The following NUDT12 variants were observed in gnomAD, a reference collection of about 807,000 sequenced individuals.
NUDT12 encodes the protein nudix hydrolase 12, also known as NAD-capped RNA hydrolase NUDT12.
NUDT12 carries 42 observed loss-of-function variants against 45.7 expected under a neutral mutation model. That is an observed-to-expected ratio of 0.92 (90% confidence interval 0.72 to 1.19). NUDT12 has a LOEUF of 1.19. Among genes scored for constraint, NUDT12 ranks in the 50% most tolerant of loss-of-function variants. NUDT12 has a pLI of 0.00. For missense variants in NUDT12, 590 were observed against 533.1 expected (o/e 1.11, Z -1.05); for synonymous variants, 206 against 179.7 (o/e 1.15, Z -1.17).
chr5:103,560,787 T>C (rs1202702821), intron 1 of NUDT12, among the ~76,000 whole-genome samples: 3 of 152,230 alleles, frequency 2.0e-5, no homozygotes, highest in Non-Finnish European at 4.4e-5. Context: ...TATTACTCCG[T>C]ATTATTCTTG....
chr5:103,549,255 G>A lies in NUDT12; in HGVS notation c.*1606C>T, dbSNP rs963206253. On this transcript the variant is annotated 3_prime_UTR_variant, in exon 7 of 7. Transcript: ENST00000230792. ...TATTTTCCATATACTTATGTAGCTCGAATTTTATTATGTATCTAAATGTCC... is the reference window on the plus strand; with the variant it reads ...TATTTTCCATATACTTATGTAGCTCAAATTTTATTATGTATCTAAATGTCC... 101 of 151,986 alleles carry A rather than the reference G, an allele frequency of 6.6e-4. No homozygotes were observed. Among genetic ancestry groups the A allele is most frequent in the African/African-American group, 2.4e-3 (98 of 41,498 alleles). 9.4% of individuals were successfully genotyped at this position (151,986 alleles called of 1,614,324 possible). A position where few individuals can be genotyped will look rare whatever the true frequency, so the allele number is the denominator to read the frequency against.
Position 103,550,621 on chromosome 5 carries a change from C to A in NUDT12, c.*240G>T. 5 of 315,490 alleles carry A rather than the reference C, an allele frequency of 1.6e-5. No individual in the cohort carries two copies. The highest frequency in any genetic ancestry group is 2.1e-5 in the African/African-American group (1 of 47,022). The allele number at this position is 315,490 out of a possible 1,614,324, so 19.5% of individuals were successfully genotyped here. ...AAAACTGTGAAGGAAGAAAAGAAACCAAGAGAGAAAAAGTTCAGAGAAGAC... is the reference window on the plus strand; with the variant it reads ...AAAACTGTGAAGGAAGAAAAGAAACAAAGAGAGAAAAAGTTCAGAGAAGAC... On this transcript the variant is annotated 3_prime_UTR_variant, in exon 7 of 7. Transcript: ENST00000230792.
chr5:103,559,471 A>C lies in NUDT12; in HGVS notation c.207-3T>G. 1 of 1,400,224 alleles carries C rather than the reference A, an allele frequency of 7.1e-7. No individual in the cohort carries two copies. Among genetic ancestry groups the C allele is most frequent in the Non-Finnish European group, 9.4e-7 (1 of 1,068,064 alleles). The allele number at this position is 1,400,224 out of a possible 1,614,324, so 86.7% of individuals were successfully genotyped here. On this transcript the variant is annotated splice_region_variant and splice_polypyrimidine_tract_variant and intron_variant, in intron 2 of 6. Transcript: ENST00000230792. ...TATTGACAATTGATCTGTCACACCT[A>C]TAGATGGAAGAAAAAATTGGGGAGA...
At chr5:103,556,120 A>C in intron 3 of NUDT12, 22 bp from the exon 4 acceptor site, 1 of 1,518,740 alleles carries the variant, frequency 6.6e-7, no homozygotes, top group Non-Finnish European at 8.8e-7. Flanking sequence ...AGAAAAGCAC[A>C]AAAATTTTAA....
chr5:103,549,661 C>A lies in NUDT12; in HGVS notation c.*1200G>T, dbSNP rs915172116. The A allele has an allele frequency of 8.6e-5, 13 of 151,784 alleles. No individual in the cohort carries two copies. The highest frequency in any genetic ancestry group is 2.9e-4 in the African/African-American group (12 of 41,358). The allele number at this position is 151,784 out of a possible 1,614,324, so 9.4% of individuals were successfully genotyped here. Reference sequence around the variant, plus strand: ...AGGAAAGCTAATTTCATATATTATCCTTAAGGTCTCTTGTAGCTCTAGCAT... The same window carrying A: ...AGGAAAGCTAATTTCATATATTATCATTAAGGTCTCTTGTAGCTCTAGCAT... On this transcript the variant is annotated 3_prime_UTR_variant, in exon 7 of 7. Coordinates refer to ENST00000230792, the MANE Select transcript of NUDT12 (RefSeq NM_031438.4).
chr5:103,557,343 T>G (rs1748859993), intron 3 of NUDT12, among the ~76,000 whole-genome samples: 1 of 147,592 alleles, frequency 6.8e-6, no homozygotes, highest in African/African-American at 2.5e-5. Context: ...AGTTTGATGA[T>G]TTCTCCACAG....
chr5:103,559,538 C>T, intron 2 of NUDT12, 70 bp from the exon 3 acceptor site: 2 of 784,786 alleles, frequency 2.5e-6, no homozygotes, highest in Non-Finnish European at 3.8e-6. Context: ...GTATTTATTT[C>T]ACTAAAATAT....
chr5:103,560,121 G>T lies in NUDT12; in HGVS notation c.128C>A (p.Ser43Tyr), dbSNP rs1453142029. ...CATTAAAGCAGTCCAGCCATTTTCA[G>T]AAGTTTCATTGAGAAGAGATGGAGA... ...SHSPSLLNETSENGWTALMYA... is the reference protein window; with the variant it reads ...SHSPSLLNETYENGWTALMYA... Residue 43 changes from serine to tyrosine, a missense_variant, in exon 2 of 7, where the codon TCT becomes TAT. Coordinates refer to ENST00000230792, the MANE Select transcript of NUDT12 (RefSeq NM_031438.4). The T allele has an allele frequency of 9.9e-6, 16 of 1,613,818 alleles. No homozygotes were observed. Among genetic ancestry groups the T allele is most frequent in the Non-Finnish European group, 1.4e-5 (16 of 1,179,874 alleles).
At chr5:103,555,294 A>G (rs559727692) in intron 4 of NUDT12, among the ~76,000 whole-genome samples, 1 of 152,208 alleles carries the variant, frequency 6.6e-6, no homozygotes, top group East Asian at 1.9e-4. Context: ...TAAAGTCATT[A>G]AATAAAATTT....
intron 6 of NUDT12, among the ~76,000 whole-genome samples, chr5:103,551,361 G>GC (rs1389578506): frequency 6.6e-6 from 1 of 152,074 alleles, no homozygotes; most frequent in African/African-American, 2.4e-5. Flanking sequence ...CAAGCTTCCT[G>GC]CCTTGGCCTT....
rs1204204226 is a variant in NUDT12 at position 103,550,607 on chromosome 5, G to T, written c.*254C>A. The T allele has an allele frequency of 1.0e-5, 3 of 291,248 alleles. No individual in the cohort carries two copies. The highest frequency in any genetic ancestry group is 2.2e-5 in the African/African-American group (1 of 46,504). The allele number at this position is 291,248 out of a possible 1,614,324, so 18.0% of individuals were successfully genotyped here. On this transcript the variant is annotated 3_prime_UTR_variant, in exon 7 of 7. Transcript: ENST00000230792. The stretch of plus-strand genomic sequence containing the variant: ...TGGTTTTGTGAGATAAAACTGTGAA[G>T]GAAGAAAAGAAACCAAGAGAGAAAA...
In NUDT12 at chr5:103,556,052, G is replaced by T. The variant is rs200620813; in HGVS notation, c.843C>A (p.Tyr281Ter). 1 of 1,611,998 alleles carries T rather than the reference G, an allele frequency of 6.2e-7. No individual in the cohort carries two copies. Among genetic ancestry groups the T allele is most frequent in the Admixed American group, 1.7e-5 (1 of 59,870 alleles). ...ARSVLAWHSR[Y>*]KFCPTCGNAT... ...CATTTCCACAGGTTGGGCAAAACTT[G>T]TATCGACTGTGCCAGGCAAGAACAG... Residue 281 changes from tyrosine to a stop codon, truncating the protein, a stop_gained, in exon 4 of 7, where the codon TAC becomes TAA. Transcript: ENST00000230792. LOFTEE classifies it high-confidence loss of function.
At chr5:103,551,627 G>A (rs1292881255) in intron 6 of NUDT12, among the ~76,000 whole-genome samples, 1 of 151,948 alleles carries the variant, frequency 6.6e-6, no homozygotes, top group Non-Finnish European at 1.5e-5. Context: ...CCATCTTTTA[G>A]GATTAAGCAT....
intron 5 of NUDT12, among the ~76,000 whole-genome samples, chr5:103,553,377 C>T (rs991473869): frequency 1.3e-5 from 2 of 151,956 alleles, no homozygotes; most frequent in Non-Finnish European, 2.9e-5. Flanking sequence ...GCCTAATACA[C>T]ATTTGAAAAA....
At chr5:103,555,819 A>G (rs1367898005) in intron 4 of NUDT12, 112 bp downstream of exon 4, 1 of 659,334 alleles carries the variant, frequency 1.5e-6, no homozygotes, top group Non-Finnish European at 2.4e-6. Context: ...CTTAATGGTT[A>G]GACATGTTTT....
chr5:103,560,166 A>C lies in NUDT12; in HGVS notation c.83T>G (p.Leu28Ter). The change falls in exon 2 of 7, where the codon TTA becomes TGA. Residue 28 changes from leucine (L) to a stop codon, truncating the protein, a stop_gained. Coordinates refer to ENST00000230792, the MANE Select transcript of NUDT12 (RefSeq NM_031438.4). LOFTEE classifies it high-confidence loss of function. ...CSAAEGDIAK[L>*]TGILSHSPSL... is the part of the protein sequence containing the mutation. The stretch of plus-strand genomic sequence containing the variant: ...TGGAGAATGACTGAGTATTCCTGTT[A>C]ACTTGGCAATATCTCCTTCAGCAGC... The C allele has an allele frequency of 6.2e-7, 1 of 1,613,756 alleles. No individual in the cohort carries two copies. The highest frequency in any genetic ancestry group is 8.5e-7 in the Non-Finnish European group (1 of 1,179,672).
Position 103,559,406 on chromosome 5 carries a change from C to A in NUDT12, c.269G>T (p.Gly90Val), listed in dbSNP as rs929555263. 6.2e-6 allele frequency: 10 copies of A among 1,610,658 alleles called. No individual in the cohort carries two copies. Among genetic ancestry groups the A allele is most frequent in the South Asian group, 1.1e-5 (1 of 90,332 alleles). Residue 90 changes from glycine to valine, a missense_variant, in exon 3 of 7, where the codon GGT becomes GTT. Coordinates refer to ENST00000230792, the MANE Select transcript of NUDT12 (RefSeq NM_031438.4). ...TAGTAAATTAGCTATATGCTTATAA[C>A]CCCAAAATACAGCAATGTCCAGTGC... ...QTALDIAVFWGYKHIANLLAT... is the reference protein window; with the variant it reads ...QTALDIAVFWVYKHIANLLAT...
At chr5:103,553,257 G>A (rs1748712652) in intron 5 of NUDT12, among the ~76,000 whole-genome samples, 1 of 151,840 alleles carries the variant, frequency 6.6e-6, no homozygotes, top group Non-Finnish European at 1.5e-5. Flanking sequence ...CAAAAGATTA[G>A]CATATGCTAC....
chr5:103,552,482 G>A (rs1218947744), intron 5 of NUDT12, 66 bp from the exon 6 acceptor site: 13 of 1,199,768 alleles, frequency 1.1e-5, no homozygotes, highest in Non-Finnish European at 1.6e-5. Context: ...TGTCCTGAAT[G>A]GTTCAAACAT....
Sources: gnomAD v4.1 joint callset for allele counts (sites outside exome capture counted in the v4.1 genomes callset) on GRCh38, gnomAD v4.1.1 for gene constraint, MANE v1.5 for transcripts, NCBI Gene and HGNC (gene_info 2026-07-23, HGNC 2026-07-21) for gene names.